Variants in TNR observed in about 807,000 individuals in gnomAD.
TNR encodes the protein tenascin-R.
TNR carries 45 observed loss-of-function variants against 150.4 expected under a neutral mutation model. The ratio of observed to expected loss-of-function variants is 0.30; its 90% CI spans 0.24 to 0.38. The LOEUF is 0.38. Among genes scored for constraint, TNR ranks in the 10% least tolerant of loss-of-function variants. The pLI is 1.00. For synonymous variants in TNR, 687 were observed against 678.4 expected, an observed-to-expected ratio of 1.01 and a Z score of -0.20; for missense variants, 1,544 against 1,759.1, an observed-to-expected ratio of 0.88 and a Z score of 2.19.
chr1:175,661,611 C>G (rs1003165451), intron 1 of TNR, among the ~76,000 whole-genome samples: 14 of 152,110 alleles, frequency 9.2e-5, no homozygotes, highest in Admixed American at 6.5e-4. Flanking sequence ...CAAATGTCTT[C>G]CCATAGACAA....
At chr1:175,660,121 G>A (rs1326093720) in intron 1 of TNR, among the ~76,000 whole-genome samples, 1 of 152,094 alleles carries the variant, frequency 6.6e-6, no homozygotes, top group Non-Finnish European at 1.5e-5. Flanking sequence ...CCCCTCTCTG[G>A]ACTCAGTTTC....
chr1:175,613,243 T>C (rs1046845181), intron 1 of TNR, among the ~76,000 whole-genome samples: 4 of 152,296 alleles, frequency 2.6e-5, no homozygotes, highest in Non-Finnish European at 5.9e-5. Flanking sequence ...CTTCTGAGTC[T>C]CTGTAGCTAG....
At chr1:175,326,764 T>A (rs1480204689) in intron 21 of TNR, among the ~76,000 whole-genome samples, 1 of 152,092 alleles carries the variant, frequency 6.6e-6, no homozygotes. Flanking sequence ...GCCTCCCAGG[T>A]TCAAGCGATT....
At chr1:175,439,890 G>A (rs377077165) in intron 2 of TNR, among the ~76,000 whole-genome samples, 14 of 152,316 alleles carry the variant, frequency 9.2e-5, no homozygotes, top group Non-Finnish European at 8.8e-5. Context: ...TGCTTGAGAG[G>A]ATGTGGAGAA....
rs575219205 is a variant in TNR at position 175,575,987 on chromosome 1, T to C, written c.-164-47618A>G. Among the ~76,000 whole-genome samples the C allele has an allele frequency of 3.3e-5, 5 of 152,348 alleles. No individual in the cohort carries two copies. In the South Asian group the frequency reaches 1.0e-3, roughly 32 times the overall value. On this transcript the variant is annotated intron_variant, in intron 1 of 22. Coordinates refer to ENST00000367674, the MANE Select transcript of TNR (RefSeq NM_003285.3). ...CTAGGGGCTGCGATTCGAGACATCC[T>C]CATTTGGGGAGCTGTGCCTCCAGCC...
intron 15 of TNR, 113 bp from the exon 16 acceptor site, chr1:175,356,575 A>T (rs1651340642): frequency 7.8e-7 from 1 of 1,283,066 alleles, no homozygotes; most frequent in African/African-American, 1.5e-5. Flanking sequence ...TTTGGAAAAA[A>T]ATCTTTCATA....
At chr1:175,451,480 C>G (rs1213969425) in intron 2 of TNR, among the ~76,000 whole-genome samples, 1 of 160 alleles carries the variant, frequency 6.3e-3, no homozygotes, top group East Asian at 0.17. Context: ...AAGCCAGCCG[C>G]CAGCCTCCAG....
chr1:175,546,078 C>G (rs929222278), intron 1 of TNR, among the ~76,000 whole-genome samples: 10 of 152,114 alleles, frequency 6.6e-5, no homozygotes, highest in Admixed American at 5.9e-4. Context: ...TTCAGCCAGA[C>G]TGGAGTTGGA....
At chr1:175,430,262 A>G (rs1655204538) in intron 2 of TNR, among the ~76,000 whole-genome samples, 1 of 152,180 alleles carries the variant, frequency 6.6e-6, no homozygotes, top group Non-Finnish European at 1.5e-5. Context: ...AAGTTAAATA[A>G]TGGCCAAAGT....
intron 1 of TNR, among the ~76,000 whole-genome samples, chr1:175,579,521 T>A (rs1175297199): frequency 2.6e-5 from 4 of 151,458 alleles, no homozygotes; most frequent in Non-Finnish European, 5.9e-5. Flanking sequence ...ACCAATGTGG[T>A]GGGAGCTGAG....
chr1:175,391,403 G>T lies in TNR; in HGVS notation c.1392C>A (p.Ser464Arg). The T allele has an allele frequency of 6.2e-7, 1 of 1,614,166 alleles. No homozygotes were observed. Among genetic ancestry groups the T allele is most frequent in the Non-Finnish European group, 8.5e-7 (1 of 1,180,022 alleles). The part of the protein sequence containing the change: ...NEGGVIAQVP[S>R]DVTSFNQTGL... ...CTGTCTGGTTAAAGGACGTAACATC[G>T]CTGGGGACCTGAGCAATCACTCCCC... The change falls in exon 7 of 23, where the codon AGC (serine) becomes AGA (arginine). Residue 464 changes from serine to arginine, a missense_variant. By Grantham distance (110) the Ser-to-Arg change is moderately radical (BLOSUM62 -1). This residue lies in a region of TNR where 1,254 missense variants were observed against 1,329.4 expected (regional missense o/e 0.94). Transcript: ENST00000367674.
chr1:175,612,424 G>C (rs1663626860), intron 1 of TNR, among the ~76,000 whole-genome samples: 1 of 152,140 alleles, frequency 6.6e-6, no homozygotes, highest in African/African-American at 2.4e-5. Flanking sequence ...TTGTTGCAGA[G>C]GAAATTCAGG....
rs149322100 is a variant in TNR at position 175,713,209 on chromosome 1, T to G, written c.-165+30017A>C. 2.8e-3 allele frequency among the ~76,000 whole-genome samples: 430 copies of G among 152,328 alleles called. 3 individuals are homozygous for G. Among genetic ancestry groups the G allele is most frequent in the South Asian group, 8.7e-3 (42 of 4,820 alleles). On this transcript the variant is annotated intron_variant, in intron 1 of 22. Transcript: ENST00000367674. ...GCCATTAAGACTTGAGGCAGATAAATGTGGTTACACGTAAGAATCAAGTCT... is the reference window on the plus strand; with the variant it reads ...GCCATTAAGACTTGAGGCAGATAAAGGTGGTTACACGTAAGAATCAAGTCT...
chr1:175,526,630 A>T (rs1351265202), intron 2 of TNR, among the ~76,000 whole-genome samples: 3 of 152,228 alleles, frequency 2.0e-5, no homozygotes, highest in Non-Finnish European at 4.4e-5. Context: ...CTGAAAACCT[A>T]TCTGGGACCA....
intron 18 of TNR, among the ~76,000 whole-genome samples, chr1:175,344,236 T>G (rs1650665070): frequency 6.6e-6 from 1 of 152,188 alleles, no homozygotes; most frequent in Non-Finnish European, 1.5e-5. Flanking sequence ...GGGTGGCCAA[T>G]CCAGGACACT....
At position 175,396,541 on chromosome 1, in the gene TNR, T is replaced by A; in HGVS notation, c.1240+3A>T. ...TGAAGCAGGACGGGGAAATGGTACG[T>A]ACGGGTGGCCACCTTGGCAGTGATG... On this transcript the variant is annotated splice_donor_region_variant and intron_variant, in intron 5 of 22. Coordinates refer to ENST00000367674, the MANE Select transcript of TNR (RefSeq NM_003285.3). The A allele has an allele frequency of 6.2e-7, 1 of 1,613,352 alleles. No individual in the cohort carries two copies. The highest frequency in any genetic ancestry group is 8.5e-7 in the Non-Finnish European group (1 of 1,179,370).
chr1:175,665,056 C>T (rs748240583), intron 1 of TNR, among the ~76,000 whole-genome samples: 8 of 152,224 alleles, frequency 5.3e-5, no homozygotes, highest in Non-Finnish European at 8.8e-5. Flanking sequence ...CCAACGTTCA[C>T]ATGAGCAGTA....
intron 2 of TNR, among the ~76,000 whole-genome samples, chr1:175,416,148 T>C (rs1176463556): frequency 6.9e-6 from 1 of 145,350 alleles, no homozygotes; most frequent in East Asian, 2.0e-4. Flanking sequence ...ACACACTATA[T>C]ATATAAAACA....
Position 175,742,907 on chromosome 1 carries a change from A to G in TNR, c.-165+319T>C, listed in dbSNP as rs190500329. Among the ~76,000 whole-genome samples, 29 of 151,988 alleles carry G rather than the reference A, an allele frequency of 1.9e-4. No individual in the cohort carries two copies. In the East Asian group the frequency reaches 5.2e-3, roughly 27 times the overall value. ...AGACAAAAAGAACAGCCTTACATGG[A>G]GACACGCAGAAACCACCCGCAATTT... On this transcript the variant is annotated intron_variant, in intron 1 of 22. Transcript: ENST00000367674.
Sources: allele counts gnomAD v4.1 joint callset (sites outside exome capture counted in the v4.1 genomes callset), GRCh38; gene constraint gnomAD v4.1.1; regional missense constraint gnomAD v4.1.1; transcripts MANE v1.5; gene names NCBI Gene and HGNC (gene_info 2026-07-23, HGNC 2026-07-21).